Variants in PKLR observed in about 807,000 individuals in gnomAD.
The protein encoded by PKLR is pyruvate kinase L/R, also known as pyruvate kinase PKLR.
Under a neutral mutation model 53.6 loss-of-function variants are expected in PKLR, and 38 were observed. The ratio of observed to expected loss-of-function variants is 0.71; its 90% CI spans 0.55 to 0.93. PKLR has a LOEUF of 0.93. Among genes scored for constraint, PKLR ranks in the 40% least tolerant of loss-of-function variants. PKLR has a pLI of 0.00. For missense variants in PKLR, 702 were observed against 787.3 expected (o/e 0.89, Z 1.30); for synonymous variants, 328 against 316.2 (o/e 1.04, Z -0.39).
In PKLR at chr1:155,289,823, G is replaced by C. The variant is rs976060321; in HGVS notation, c.*749C>G. ...TTTATAATTGCTTCCAAACAGCTGGGTTTAAATATAAAATAGACACACTCA... is the reference window on the plus strand; with the variant it reads ...TTTATAATTGCTTCCAAACAGCTGGCTTTAAATATAAAATAGACACACTCA... On this transcript the variant is annotated 3_prime_UTR_variant, in exon 11 of 11. Transcript: ENST00000342741. 1.3e-5 allele frequency: 2 copies of C among 152,332 alleles called. No homozygotes were observed. The highest frequency in any genetic ancestry group is 4.8e-5 in the African/African-American group (2 of 41,394). 9.4% of individuals were successfully genotyped at this position (152,332 alleles called of 1,614,324 possible). A position where few individuals can be genotyped will look rare whatever the true frequency, so the allele number is the denominator to read the frequency against.
At position 155,294,629 on chromosome 1, in the gene PKLR, C is replaced by G. The variant is rs141393570; in HGVS notation, c.818G>C (p.Arg273Pro). Residue 273 changes from arginine to proline, a missense_variant, in exon 6 of 11, where the codon CGC becomes CCC. This residue lies in a region of PKLR where 519 missense variants were observed against 537.1 expected (regional missense o/e 0.97). Coordinates refer to ENST00000342741, the MANE Select transcript of PKLR (RefSeq NM_000298.6). ...GTCCACCCCATGCTCCACCCCGAAG[C>G]GCAGGTCTCGGACGTCCTGCTCGGA... is the stretch of plus-strand genomic sequence containing the variant. ...GLSEQDVRDLRFGVEHGVDIV... is the reference protein window; with the variant it reads ...GLSEQDVRDLPFGVEHGVDIV... The G allele has an allele frequency of 6.2e-7, 1 of 1,614,078 alleles. No homozygotes were observed. Among genetic ancestry groups the G allele is most frequent in the African/African-American group, 1.3e-5 (1 of 74,944 alleles).
At chr1:155,301,042 A>G (rs1000623938) in intron 1 of PKLR, 1 of 1,544,032 alleles carries the variant, frequency 6.5e-7, no homozygotes, top group Admixed American at 2.0e-5. Context: ...CCTGTATGCC[A>G]GGGGCCAGAG....
At chr1:155,303,094 C>T (rs1648119567), upstream of PKLR, among the ~76,000 whole-genome samples, 1 of 152,212 alleles carries the variant, frequency 6.6e-6, no homozygotes, top group African/African-American at 2.4e-5. Context: ...CTGGGTAGAA[C>T]ACCCTTTGTC....
At chr1:155,303,179 C>A (rs1303564710), upstream of PKLR, among the ~76,000 whole-genome samples, 1 of 152,242 alleles carries the variant, frequency 6.6e-6, no homozygotes, top group East Asian at 1.9e-4. Context: ...GGCCTGATTG[C>A]CCTGGCATTT....
rs1557954834 is a variant in PKLR at position 155,290,351 on chromosome 1, C to A, written c.*221G>T. ...TGGGTGGCCAGTGCATAATTGGACA[C>A]AGACTTTCAGGACCTGTGTGAAATG... On this transcript the variant is annotated 3_prime_UTR_variant, in exon 11 of 11. Transcript: ENST00000342741. 2 of 585,726 alleles carry A rather than the reference C, an allele frequency of 3.4e-6. No individual in the cohort carries two copies. 36.3% of individuals were successfully genotyped at this position (585,726 alleles called of 1,614,324 possible). A position where few individuals can be genotyped will look rare whatever the true frequency, so the allele number is the denominator to read the frequency against.
Position 155,294,673 on chromosome 1 carries a change from C to T in PKLR, c.774G>A (p.Gln258=). The T allele has an allele frequency of 6.2e-7, 1 of 1,614,092 alleles. No homozygotes were observed. The highest frequency in any genetic ancestry group is 2.2e-5 in the East Asian group (1 of 44,878). ...SRKGVNLPGA[Q]VDLPGLSEQD... ...GCTCGGACAGCCCGGGCAAGTCCAC[C>T]TGGGCCCCTGGCAAGTTCACGCCCT... Residue 258 remains glutamine (Q), a synonymous_variant, in exon 6 of 11, where the codon CAG becomes CAA. Transcript: ENST00000342741.
At chr1:155,301,610 AT>A (rs1647995728), upstream of PKLR, among the ~76,000 whole-genome samples, 1 of 151,876 alleles carries the variant, frequency 6.6e-6, no homozygotes, top group African/African-American at 2.4e-5. Flanking sequence ...TTTTCAATCC[AT>A]TCATACTATC....
chr1:155,303,415 C>T (rs895079420), upstream of PKLR, among the ~76,000 whole-genome samples: 16 of 152,156 alleles, frequency 1.1e-4, no homozygotes, highest in African/African-American at 2.7e-4. Flanking sequence ...CGAGCACCTA[C>T]GCTGTATCAG....
upstream of PKLR, among the ~76,000 whole-genome samples, chr1:155,305,800 T>G (rs1357464138): frequency 6.6e-6 from 1 of 151,218 alleles, no homozygotes; most frequent in African/African-American, 2.4e-5. Flanking sequence ...CAGCTAATTT[T>G]TTTTTTTTTT....
Position 155,290,384 on chromosome 1 carries a change from G to A in PKLR, c.*188C>T, listed in dbSNP as rs913926131. On this transcript the variant is annotated 3_prime_UTR_variant, in exon 11 of 11. Transcript: ENST00000342741. ...CAGGACCTGTGTGAAATGGAGATGG[G>A]GAAGGGGCAACCTCGAAGGGGCTAG... The A allele has an allele frequency of 3.3e-6, 2 of 605,936 alleles. No individual in the cohort carries two copies. Among genetic ancestry groups the A allele is most frequent in the African/African-American group, 1.8e-5 (1 of 54,252 alleles). The allele number at this position is 605,936 out of a possible 1,614,324, so 37.5% of individuals were successfully genotyped here. A position where few individuals can be genotyped will look rare whatever the true frequency, so the allele number is the denominator to read the frequency against.
intron 2 of PKLR, among the ~76,000 whole-genome samples, chr1:155,298,934 T>G (rs1258821673): frequency 2.0e-5 from 3 of 151,870 alleles, no homozygotes; most frequent in Non-Finnish European, 4.4e-5. Context: ...AGAGCCACCA[T>G]GCCCGGCCAA....
Position 155,290,600 on chromosome 1 carries a change from T to C in PKLR, c.1697A>G (p.Asn566Ser). The stretch of plus-strand genomic sequence containing the variant: ...GGATATGCTTAGCACCCGCATGATG[T>C]TGGTGTAGCCGGAGCCAGGTCGCCA... ...TGWRPGSGYT[N>S]IMRVLSIS Residue 566 changes from asparagine to serine, a missense_variant, in exon 11 of 11, where the codon AAC (asparagine) becomes AGC (serine). Coordinates refer to ENST00000342741, the MANE Select transcript of PKLR (RefSeq NM_000298.6). 3 of 1,612,462 alleles carry C rather than the reference T, an allele frequency of 1.9e-6. No individual in the cohort carries two copies. In the African/African-American group the frequency reaches 4.0e-5, roughly 22 times the overall value.
chr1:155,300,680 C>A (rs1647943259), intron 1 of PKLR, among the ~76,000 whole-genome samples: 2 of 152,058 alleles, frequency 1.3e-5, no homozygotes, highest in Admixed American at 6.5e-5. Flanking sequence ...TAGTCCCCAG[C>A]AGCCTCACCC....
rs764143249 is a variant in PKLR, at chr1:155,294,648, G to T, written c.799C>A (p.Gln267Lys). The change falls in exon 6 of 11, where the codon CAG (glutamine) becomes AAG (lysine). Residue 267 changes from glutamine to lysine, a missense_variant. Physicochemically the swap from Gln to Lys is moderately conservative, Grantham distance 53. This residue lies in a region of PKLR where 519 missense variants were observed against 537.1 expected (regional missense o/e 0.97). Coordinates refer to ENST00000342741, the MANE Select transcript of PKLR (RefSeq NM_000298.6). The part of the protein sequence containing the change: ...AQVDLPGLSE[Q>K]DVRDLRFGVE... The stretch of plus-strand genomic sequence containing the variant: ...CCGAAGCGCAGGTCTCGGACGTCCT[G>T]CTCGGACAGCCCGGGCAAGTCCACC... 6.2e-7 allele frequency: 1 copy of T among 1,614,150 alleles called. No homozygotes were observed.
At chr1:155,307,605 T>C in the PKLR span, among the ~76,000 whole-genome samples, 4 of 152,360 alleles carry the variant, frequency 2.6e-5, no homozygotes, top group Non-Finnish European at 5.9e-5. Flanking sequence ...CCACATGCTG[T>C]GTCGACATCA....
In PKLR at chr1:155,295,184, C is replaced by T. The variant is rs200480300; in HGVS notation, c.626G>A (p.Arg209Gln). Residue 209 changes from arginine (R) to glutamine (Q), a missense_variant, in exon 5 of 11, where the codon CGG becomes CAG. By Grantham distance (43) the Arg-to-Gln change is conservative. Coordinates refer to ENST00000342741, the MANE Select transcript of PKLR (RefSeq NM_000298.6). This position sits in a 1 kb window ranked among gnomAD's most constrained non-coding sequence, Gnocchi z 4.3. ...TVWVDYPNIV[R>Q]VVPVGGRIYI... is the part of the protein sequence containing the mutation. Reference sequence around the variant, plus strand: ...GATGCGGCCCCCCACCGGCACGACCCGGACAATATTGGGGTAGTCCACCCA... The same window carrying T: ...GATGCGGCCCCCCACCGGCACGACCTGGACAATATTGGGGTAGTCCACCCA... 6 of 1,614,160 alleles carry T rather than the reference C, an allele frequency of 3.7e-6. No homozygotes were observed. In the Admixed American group the frequency reaches 5.0e-5, roughly 13 times the overall value.
At position 155,293,076 on chromosome 1, in the gene PKLR, AC is replaced by A; in HGVS notation, c.1436+100del. 8.2e-7 allele frequency: 1 copy of A among 1,216,614 alleles called. No homozygotes were observed. Among genetic ancestry groups the A allele is most frequent in the Non-Finnish European group, 1.2e-6 (1 of 819,460 alleles). The allele number at this position is 1,216,614 out of a possible 1,614,324, so 75.4% of individuals were successfully genotyped here. A position where few individuals can be genotyped will look rare whatever the true frequency, so the allele number is the denominator to read the frequency against. On this transcript the variant is annotated intron_variant, in intron 9 of 10. Transcript: ENST00000342741. This position sits in a 1 kb window ranked among gnomAD's most constrained non-coding sequence, Gnocchi z 4.2. ...GCCTCTCCTCTTGTCTCAGGTGGAC[AC>A]TCTTCACCCCTGGTGACCAGACTAA...
At chr1:155,299,292 G>A (rs1256564372) in intron 2 of PKLR, among the ~76,000 whole-genome samples, 2 of 151,076 alleles carry the variant, frequency 1.3e-5, no homozygotes, top group Admixed American at 1.3e-4. Flanking sequence ...CTGGGCTTAA[G>A]TGATCCTCCC....
Position 155,294,742 on chromosome 1 carries a change from T to A in PKLR, c.705A>T (p.Gly235=). ...SLVVQKIGPE[G]LVTQVENGGV... is the part of the protein sequence containing the mutation. ...CGCCGTTCTCCACTTGGGTCACCAG[T>A]CCCTCTGGGCCTGCGGACATGGAAA... is the stretch of plus-strand genomic sequence containing the variant. The change falls in exon 6 of 11, where the codon GGA becomes GGT. Residue 235 remains glycine (G), a synonymous_variant. Transcript: ENST00000342741. 1.2e-6 allele frequency: 2 copies of A among 1,613,856 alleles called. No homozygotes were observed. The highest frequency in any genetic ancestry group is 1.7e-6 in the Non-Finnish European group (2 of 1,180,014).
Sources: allele counts gnomAD v4.1 joint callset (sites outside exome capture counted in the v4.1 genomes callset), GRCh38; gene constraint gnomAD v4.1.1; regional missense constraint gnomAD v4.1.1; non-coding constraint Gnocchi (gnomAD v3.1); transcripts MANE v1.5; gene names NCBI Gene and HGNC (gene_info 2026-07-23, HGNC 2026-07-21).